Variants in ADCY2 observed in about 807,000 individuals in gnomAD.
ADCY2 encodes adenylate cyclase type 2.
ADCY2 carries 31 observed loss-of-function variants against 125.2 expected under a neutral mutation model. The observed-to-expected ratio is 0.25, with a 90% CI of 0.19 to 0.33. ADCY2 has a LOEUF of 0.33. ADCY2 is among the 10% of genes least tolerant of loss of function. ADCY2 has a pLI of 1.00. For missense variants in ADCY2, 904 were observed against 1,418.2 expected (o/e 0.64, Z 5.82); for synonymous variants, 512 against 548.4 (o/e 0.93, Z 0.93).
At chr5:7,452,571 C>T (rs575151272) in intron 2 of ADCY2, among the ~76,000 whole-genome samples, 1 of 152,240 alleles carries the variant, frequency 6.6e-6, no homozygotes, top group Admixed American at 6.5e-5. Flanking sequence ...CATATGCATG[C>T]AGGTGTCTTT....
At chr5:7,595,584 A>G (rs1483155116) in intron 3 of ADCY2, among the ~76,000 whole-genome samples, 1 of 152,188 alleles carries the variant, frequency 6.6e-6, no homozygotes, top group Non-Finnish European at 1.5e-5. Context: ...AGTGTTTGAC[A>G]TCTCCTAAGC....
intron 3 of ADCY2, among the ~76,000 whole-genome samples, chr5:7,528,687 G>T (rs1734549973): frequency 6.6e-6 from 1 of 152,210 alleles, no homozygotes; most frequent in Admixed American, 6.5e-5. Context: ...GATACTTTAA[G>T]TTGATTAAAT....
At position 7,520,784 on chromosome 5, in the gene ADCY2, C is replaced by T; in HGVS notation, c.455C>T (p.Pro152Leu). Residue 152 changes from proline to leucine, a missense_variant, in exon 3 of 25, where the codon CCC becomes CTC. Pro to Leu is a moderately conservative substitution (Grantham distance 98, BLOSUM62 -3). Transcript: ENST00000338316. ...FIIFVVYTMLPFNMRDAIIAS... is the reference protein window; with the variant it reads ...FIIFVVYTMLLFNMRDAIIAS... The stretch of plus-strand genomic sequence containing the variant: ...ATCTTCGTGGTGTACACCATGCTGC[C>T]CTTCAACATGCGAGACGCCATCATT... The T allele has an allele frequency of 6.2e-7, 1 of 1,614,148 alleles. No homozygotes were observed. Among genetic ancestry groups the T allele is most frequent in the Admixed American group, 1.7e-5 (1 of 60,026 alleles).
At chr5:7,629,329 G>C (rs964719094) in intron 4 of ADCY2, among the ~76,000 whole-genome samples, 2 of 152,098 alleles carry the variant, frequency 1.3e-5, no homozygotes, top group East Asian at 1.9e-4. Context: ...GATTGGAGGG[G>C]GGGCACTGAA....
chr5:7,629,342 T>C (rs1738240435), intron 4 of ADCY2, among the ~76,000 whole-genome samples: 1 of 152,146 alleles, frequency 6.6e-6, no homozygotes, highest in African/African-American at 2.4e-5. Context: ...GCACTGAAAC[T>C]ATTGGGACCT....
At chr5:7,761,011 C>A (rs951539148) in intron 16 of ADCY2, among the ~76,000 whole-genome samples, 21 of 151,998 alleles carry the variant, frequency 1.4e-4, no homozygotes, top group African/African-American at 4.8e-4. Context: ...TTTTTCTGTA[C>A]GTGGCTTATT....
At chr5:7,589,357 A>G (rs182686330) in intron 3 of ADCY2, among the ~76,000 whole-genome samples, 2 of 147,210 alleles carry the variant, frequency 1.4e-5, no homozygotes, top group African/African-American at 4.9e-5. Context: ...AAGACTGGAA[A>G]GAAATAAACA....
At chr5:7,743,255 G>T (rs1251590423) in intron 14 of ADCY2, among the ~76,000 whole-genome samples, 2 of 152,008 alleles carry the variant, frequency 1.3e-5, no homozygotes, top group Non-Finnish European at 2.9e-5. Flanking sequence ...AGGAACAAGG[G>T]TGGAACTTGA....
At chr5:7,515,542 G>T (rs1001538355) in intron 2 of ADCY2, among the ~76,000 whole-genome samples, 5 of 152,154 alleles carry the variant, frequency 3.3e-5, no homozygotes, top group Non-Finnish European at 7.3e-5. Context: ...CCAGTTGAGT[G>T]TTTCAGTGTA....
At chr5:7,696,987 G>A (rs1740914616) in intron 6 of ADCY2, among the ~76,000 whole-genome samples, 1 of 152,070 alleles carries the variant, frequency 6.6e-6, no homozygotes, top group Admixed American at 6.6e-5. Context: ...GGTCATTTTT[G>A]TTGGACTACC....
chr5:7,749,470 A>G (rs1378416679), intron 15 of ADCY2, among the ~76,000 whole-genome samples: 1 of 152,218 alleles, frequency 6.6e-6, no homozygotes, highest in African/African-American at 2.4e-5. Flanking sequence ...AAGAGATTCA[A>G]GTTCACATTT....
chr5:7,598,686 G>A (rs1737094268), intron 3 of ADCY2, among the ~76,000 whole-genome samples: 2 of 152,166 alleles, frequency 1.3e-5, no homozygotes. Flanking sequence ...GTGGACACAC[G>A]ATAGGATTGT....
At chr5:7,410,855 G>A (rs909133025) in intron 1 of ADCY2, among the ~76,000 whole-genome samples, 1 of 152,072 alleles carries the variant, frequency 6.6e-6, no homozygotes, top group African/African-American at 2.4e-5. Context: ...ATATTCTAAT[G>A]TTTGAAAACA....
At chr5:7,771,243 C>G (rs1743547619) in intron 17 of ADCY2, among the ~76,000 whole-genome samples, 1 of 152,214 alleles carries the variant, frequency 6.6e-6, no homozygotes, top group Admixed American at 6.5e-5. Context: ...GTTCACAGCT[C>G]TGTTGATTCT....
chr5:7,514,732 C>T (rs577073641), intron 2 of ADCY2, among the ~76,000 whole-genome samples: 9 of 152,250 alleles, frequency 5.9e-5, no homozygotes, highest in East Asian at 1.9e-4. Context: ...CAGAGATACA[C>T]GGAGAAGAGA....
At chr5:7,817,157 C>A (rs1745139035) in intron 23 of ADCY2, among the ~76,000 whole-genome samples, 177 bp downstream of exon 23, 1 of 150,902 alleles carries the variant, frequency 6.6e-6, no homozygotes, top group South Asian at 2.1e-4. Context: ...AAAAAAAAAA[C>A]CCTTTGATTG....
At chr5:7,463,023 A>G (rs927674854) in intron 2 of ADCY2, among the ~76,000 whole-genome samples, 2 of 152,238 alleles carry the variant, frequency 1.3e-5, no homozygotes, top group Non-Finnish European at 2.9e-5. Flanking sequence ...ATACCTGAAC[A>G]GGTTTGGGCT....
intron 10 of ADCY2, among the ~76,000 whole-genome samples, chr5:7,711,451 A>T (rs1433048390): frequency 6.6e-6 from 1 of 152,198 alleles, no homozygotes; most frequent in Non-Finnish European, 1.5e-5. Context: ...TTTTTAAGGA[A>T]TAAGAATCAT....
chr5:7,538,842 CTTT>C (rs1197791506), intron 3 of ADCY2, among the ~76,000 whole-genome samples: 1 of 137,914 alleles, frequency 7.3e-6, no homozygotes, highest in Non-Finnish European at 1.6e-5. Flanking sequence ...TTTCTTTTTT[CTTT>C]TTTTCTTTTC....
Sources: gnomAD v4.1 joint callset for allele counts (sites outside exome capture counted in the v4.1 genomes callset) on GRCh38, gnomAD v4.1.1 for gene constraint, MANE v1.5 for transcripts, NCBI Gene and HGNC (gene_info 2026-07-23, HGNC 2026-07-21) for gene names.